The following DOCK4 variants were observed in gnomAD, a reference collection of about 807,000 sequenced individuals.
DOCK4 encodes the protein dedicator of cytokinesis 4.
In DOCK4, 97 loss-of-function variants were observed where a neutral mutation model predicts 268.1. The observed-to-expected ratio is 0.36, with a 90% CI of 0.31 to 0.43. The LOEUF is 0.43. Among genes scored for constraint, DOCK4 ranks in the 20% least tolerant of loss-of-function variants. DOCK4 has a pLI of 1.00. For missense variants in DOCK4, 2,145 were observed against 2,455.7 expected (o/e 0.87, Z 2.67); for synonymous variants, 954 against 887.2 (o/e 1.08, Z -1.34).
intron 1 of DOCK4, among the ~76,000 whole-genome samples, chr7:112,167,656 T>C (rs1043604865): frequency 1.3e-5 from 2 of 152,204 alleles, no homozygotes; most frequent in African/African-American, 4.8e-5. Context: ...CTTATTATCA[T>C]CCTTTGGAGT....
rs186901045 is a variant in DOCK4 at position 112,032,550 on chromosome 7, C to A, written c.38-28419G>T. ...TATTTTGGTATTTGTTGTAAGGAAC[C>A]AATGAAGGATCTGTCTTATTGTGAA... On this transcript the variant is annotated intron_variant, in intron 1 of 52. Coordinates refer to ENST00000428084, the MANE Select transcript of DOCK4 (RefSeq NM_001363540.2). 9.9e-5 allele frequency among the ~76,000 whole-genome samples: 15 copies of A among 151,928 alleles called. No individual in the cohort carries two copies. The East Asian group carries it at 2.9e-3, about 30-fold the overall frequency.
Position 111,782,895 on chromosome 7 carries a change from C to A in DOCK4, c.3554G>T (p.Gly1185Val), listed in dbSNP as rs749281151. The change falls in exon 35 of 53, where the codon GGC becomes GTC. Residue 1185 changes from glycine (G) to valine (V), a missense_variant. Around this residue, in one of 2 missense-constraint regions of DOCK4, gnomAD observed 1,598 missense variants for 1,986.7 expected, o/e 0.80. Coordinates refer to ENST00000428084, the MANE Select transcript of DOCK4 (RefSeq NM_001363540.2). ...GCTAACTGTGCAGCCAATCTTTTTG[C>A]CATCTACCTCTCCCATTTTCATGCA... ...RDCMKMGEVD[G>V]KKIGCTVSLL... 6.2e-7 allele frequency: 1 copy of A among 1,613,310 alleles called. No homozygotes were observed. Among genetic ancestry groups the A allele is most frequent in the African/African-American group, 1.3e-5 (1 of 74,914 alleles).
intron 1 of DOCK4, among the ~76,000 whole-genome samples, chr7:112,131,074 G>A (rs10953700): frequency 0.29 from 43,903 of 152,134 alleles, 7,441 homozygotes; most frequent in East Asian, 0.42. Flanking sequence ...ATGGCCGGCC[G>A]TATGCCATAA....
chr7:111,935,547 G>A lies in DOCK4; in HGVS notation c.1059C>T (p.Ser353=). ...GCCAGCCCATACACTCACCTGCATTGGAGCCAGTCAAGTTATAACGTGCAT... is the reference window on the plus strand; with the variant it reads ...GCCAGCCCATACACTCACCTGCATTAGAGCCAGTCAAGTTATAACGTGCAT... ...KLNARYNLTG[S]NAGLAVSLQL... The change falls in exon 12 of 53, where the codon TCC becomes TCT. Residue 353 remains serine, a synonymous_variant. Coordinates refer to ENST00000428084, the MANE Select transcript of DOCK4 (RefSeq NM_001363540.2). 2 of 1,613,630 alleles carry A rather than the reference G, an allele frequency of 1.2e-6. No individual in the cohort carries two copies. Among genetic ancestry groups the A allele is most frequent in the Non-Finnish European group, 1.7e-6 (2 of 1,179,732 alleles).
intron 1 of DOCK4, among the ~76,000 whole-genome samples, chr7:112,107,891 A>G (rs752664864): frequency 1.1e-4 from 16 of 152,246 alleles, no homozygotes; most frequent in Non-Finnish European, 2.2e-4. Flanking sequence ...GTAAAGCCAC[A>G]AGCCAAGGGC....
At chr7:112,162,515 C>T (rs777893929) in intron 1 of DOCK4, among the ~76,000 whole-genome samples, 1 of 72,932 alleles carries the variant, frequency 1.4e-5, no homozygotes, top group African/African-American at 3.0e-4. Context: ...CTTTCTTTCT[C>T]TCTCTCTCTC....
Position 111,809,749 on chromosome 7 carries a change from G to C in DOCK4, c.3007-348C>G, listed in dbSNP as rs561121421. On this transcript the variant is annotated intron_variant, in intron 28 of 52. Coordinates refer to ENST00000428084, the MANE Select transcript of DOCK4 (RefSeq NM_001363540.2). ...GCGTGGTTTCTCTTGTAATATGTCT[G>C]AGTATCTCCAAGAGGATGAGGTATA... Among the ~76,000 whole-genome samples, 17 of 152,288 alleles carry C rather than the reference G, an allele frequency of 1.1e-4. 1 individual carries two copies. In the South Asian group the frequency reaches 2.5e-3, roughly 22 times the overall value.
intron 23 of DOCK4, among the ~76,000 whole-genome samples, chr7:111,852,581 A>G (rs1804671778): frequency 6.6e-6 from 1 of 152,196 alleles, no homozygotes; most frequent in Non-Finnish European, 1.5e-5. Flanking sequence ...AGGAAGATAA[A>G]GCTTATCTGA....
At chr7:111,909,991 C>T (rs1332683455) in intron 13 of DOCK4, among the ~76,000 whole-genome samples, 1 of 147,104 alleles carries the variant, frequency 6.8e-6, no homozygotes, top group Non-Finnish European at 1.5e-5. Flanking sequence ...AAAAAAAAAA[C>T]GTTTTAGGGC....
rs201130914 is a variant in DOCK4 at position 111,872,530 on chromosome 7, G to A, written c.1779C>T (p.His593=). ...DMLDLLKWRT[H]PDKITGCLSK... ...AGAGACAGCCAGTGATCTTGTCTGG[G>A]TGGGTTCTCCATTTCAAAAGATCAA... Residue 593 remains histidine, a synonymous_variant, in exon 18 of 53, where the codon CAC becomes CAT. Coordinates refer to ENST00000428084, the MANE Select transcript of DOCK4 (RefSeq NM_001363540.2). The A allele has an allele frequency of 3.7e-6, 6 of 1,603,564 alleles. No individual in the cohort carries two copies. Among genetic ancestry groups the A allele is most frequent in the East Asian group, 2.2e-5 (1 of 44,790 alleles).
At chr7:111,913,658 C>T (rs1302058666) in intron 13 of DOCK4, among the ~76,000 whole-genome samples, 1 of 151,656 alleles carries the variant, frequency 6.6e-6, no homozygotes, top group East Asian at 1.9e-4. Flanking sequence ...ATCCGCCCAC[C>T]TCGGCCTCCC....
chr7:112,205,125 C>T (rs1397240373), intron 1 of DOCK4, among the ~76,000 whole-genome samples: 2 of 152,132 alleles, frequency 1.3e-5, no homozygotes, highest in Non-Finnish European at 2.9e-5. Flanking sequence ...GGAACTGTAA[C>T]CCGCCTGAAA....
At chr7:111,746,916 A>G (rs1451202696) in intron 43 of DOCK4, among the ~76,000 whole-genome samples, 1 of 147,686 alleles carries the variant, frequency 6.8e-6, no homozygotes, top group Non-Finnish European at 1.5e-5. Flanking sequence ...GGTGTGAGCC[A>G]CTGAGCCCAG....
intron 31 of DOCK4, 111 bp from the exon 32 acceptor site, chr7:111,788,858 A>T (rs532216349): frequency 7.4e-6 from 7 of 952,030 alleles, no homozygotes; most frequent in Non-Finnish European, 1.2e-5. Context: ...AAATTTTGTG[A>T]AAGTGACATT....
intron 1 of DOCK4, among the ~76,000 whole-genome samples, chr7:112,035,976 T>C (rs1803718535): frequency 6.6e-6 from 1 of 151,980 alleles, no homozygotes; most frequent in Admixed American, 6.6e-5. Flanking sequence ...AAACTTCAAG[T>C]ATCAAATATA....
At chr7:111,984,720 A>G (rs960448425) in intron 6 of DOCK4, among the ~76,000 whole-genome samples, 5 of 152,182 alleles carry the variant, frequency 3.3e-5, no homozygotes, top group Admixed American at 3.3e-4. Context: ...GGCCTTCCAC[A>G]CTGGAGTGAA....
chr7:111,989,130 G>A lies in DOCK4; in HGVS notation c.349C>T (p.His117Tyr). The part of the protein sequence containing the change: ...NEGDLFHRLW[H>Y]IMNEILDLRR... ...AGGTCCAGGATTTCATTCATGATGT[G>A]CCACAGCCGGTGGAAGAGATCGCCT... Residue 117 changes from histidine to tyrosine, a missense_variant, in exon 6 of 53, where the codon CAC becomes TAC. Coordinates refer to ENST00000428084, the MANE Select transcript of DOCK4 (RefSeq NM_001363540.2). The A allele has an allele frequency of 6.2e-7, 1 of 1,613,978 alleles. No homozygotes were observed.
intron 30 of DOCK4, among the ~76,000 whole-genome samples, chr7:111,801,948 G>A (rs781116442): frequency 6.7e-6 from 1 of 148,980 alleles, no homozygotes; most frequent in Non-Finnish European, 1.5e-5. Context: ...TTAACTGCCT[G>A]CCTTGGCCTC....
chr7:111,875,163 T>A (rs1289084322), intron 17 of DOCK4, among the ~76,000 whole-genome samples: 1 of 152,184 alleles, frequency 6.6e-6, no homozygotes, highest in African/African-American at 2.4e-5. Context: ...AAAATAATAA[T>A]GAAACACTTA....
Sources: allele counts gnomAD v4.1 joint callset (sites outside exome capture counted in the v4.1 genomes callset), GRCh38; gene constraint gnomAD v4.1.1; regional missense constraint gnomAD v4.1.1; transcripts MANE v1.5; gene names NCBI Gene and HGNC (gene_info 2026-07-23, HGNC 2026-07-21).